The following SPOCK3 variants were observed in gnomAD, a reference collection of about 807,000 sequenced individuals.
SPOCK3 encodes testican-3.
In SPOCK3, 30 loss-of-function variants were observed where a neutral mutation model predicts 56.6. That is an observed-to-expected ratio of 0.53 (90% CI 0.40 to 0.72). The LOEUF (loss-of-function observed/expected upper bound fraction) is 0.72, where lower values mean the gene tolerates loss of function less well. Ranked by LOEUF, SPOCK3 falls within the 30% of genes least tolerant of loss-of-function variation. SPOCK3 has a pLI of 0.00. For missense variants in SPOCK3, 527 were observed against 530.0 expected (o/e 0.99, Z 0.06); for synonymous variants, 196 against 183.3 (o/e 1.07, Z -0.56).
chr4:167,013,415 TTAA>T (rs1340729758), intron 3 of SPOCK3, among the ~76,000 whole-genome samples: 2 of 151,600 alleles, frequency 1.3e-5, no homozygotes, highest in African/African-American at 4.8e-5. Context: ...TCTAAATTTC[TTAA>T]TAAAATAAAT....
intron 4 of SPOCK3, among the ~76,000 whole-genome samples, chr4:166,937,874 C>T (rs912802208): frequency 6.7e-5 from 10 of 150,050 alleles, no homozygotes; most frequent in South Asian, 6.3e-4. Flanking sequence ...CGCCATTCTC[C>T]TGCCTCAGCC....
intron 2 of SPOCK3, among the ~76,000 whole-genome samples, chr4:167,129,019 T>C (rs1250798176): frequency 6.6e-6 from 1 of 152,118 alleles, no homozygotes; most frequent in Non-Finnish European, 1.5e-5. Flanking sequence ...TCTATACCCT[T>C]GATTCAGGGG....
intron 5 of SPOCK3, among the ~76,000 whole-genome samples, chr4:166,905,643 C>A (rs1372660745): frequency 1.3e-5 from 2 of 151,662 alleles, no homozygotes; most frequent in Non-Finnish European, 2.9e-5. Context: ...AAGTCCTAAC[C>A]AAAACCTAAG....
At chr4:166,904,703 C>A (rs1736424918) in intron 5 of SPOCK3, among the ~76,000 whole-genome samples, 1 of 151,906 alleles carries the variant, frequency 6.6e-6, no homozygotes, top group African/African-American at 2.4e-5. Context: ...GTGTTAGTGT[C>A]TGAGAAGGGG....
chr4:167,226,802 G>C (rs983453269), intron 2 of SPOCK3, among the ~76,000 whole-genome samples: 3 of 152,022 alleles, frequency 2.0e-5, no homozygotes, highest in Non-Finnish European at 4.4e-5. Flanking sequence ...GCTTGAGGGA[G>C]TAACCCTGAA....
intron 4 of SPOCK3, among the ~76,000 whole-genome samples, chr4:166,977,432 GC>G (rs1301414419): frequency 4.5e-5 from 1 of 22,086 alleles, no homozygotes; most frequent in Non-Finnish European, 1.9e-4. Flanking sequence ...TATTAAGTAG[GC>G]AAGAAAGGCA....
At chr4:166,898,258 A>G (rs1202268601) in intron 5 of SPOCK3, among the ~76,000 whole-genome samples, 4 of 152,096 alleles carry the variant, frequency 2.6e-5, no homozygotes, top group Non-Finnish European at 5.9e-5. Flanking sequence ...AACTGTTCCA[A>G]TGGTGCTTTG....
chr4:166,795,640 G>T (rs1741852127), intron 6 of SPOCK3, among the ~76,000 whole-genome samples: 1 of 151,510 alleles, frequency 6.6e-6, no homozygotes, highest in African/African-American at 2.4e-5. Context: ...AATTAAATTT[G>T]ATAAATATAA....
At chr4:167,203,453 A>G (rs1486266176) in intron 2 of SPOCK3, among the ~76,000 whole-genome samples, 2 of 151,998 alleles carry the variant, frequency 1.3e-5, no homozygotes, top group African/African-American at 4.8e-5. Flanking sequence ...GCAAGTATTA[A>G]TACTCCTTGA....
At chr4:167,010,827 G>T (rs928615537) in intron 3 of SPOCK3, among the ~76,000 whole-genome samples, 2 of 151,974 alleles carry the variant, frequency 1.3e-5, no homozygotes, top group Non-Finnish European at 2.9e-5. Flanking sequence ...CAGTGGGGGG[G>T]AGATAAAATG....
intron 7 of SPOCK3, among the ~76,000 whole-genome samples, chr4:166,779,080 A>C (rs1040274315): frequency 6.6e-6 from 1 of 152,130 alleles, no homozygotes; most frequent in Non-Finnish European, 1.5e-5. Flanking sequence ...AGACTAGAAC[A>C]CTGAATTGAG....
chr4:167,170,187 T>C (rs1340756032), intron 2 of SPOCK3, among the ~76,000 whole-genome samples: 1 of 152,162 alleles, frequency 6.6e-6, no homozygotes, highest in Non-Finnish European at 1.5e-5. Flanking sequence ...AGGGTCACCA[T>C]TTAGGAAAGT....
intron 2 of SPOCK3, among the ~76,000 whole-genome samples, chr4:167,089,583 A>T (rs1758523466): frequency 6.6e-6 from 1 of 152,162 alleles, no homozygotes; most frequent in Non-Finnish European, 1.5e-5. Context: ...GGAATTTTTA[A>T]CCCCACAAAT....
At chr4:167,072,611 C>T (rs6815849) in intron 2 of SPOCK3, among the ~76,000 whole-genome samples, 3,611 of 151,924 alleles carry the variant, frequency 0.024, 128 homozygotes, top group African/African-American at 0.082. Context: ...ATTTTAAGAA[C>T]GTTAATAGAA....
intron 2 of SPOCK3, among the ~76,000 whole-genome samples, chr4:167,133,193 C>A (rs1762836637): frequency 6.6e-6 from 1 of 151,914 alleles, no homozygotes; most frequent in Non-Finnish European, 1.5e-5. Flanking sequence ...TCAGGTGGGC[C>A]CAATGTAATC....
intron 2 of SPOCK3, among the ~76,000 whole-genome samples, chr4:167,169,173 T>C (rs1353886109): frequency 1.3e-5 from 2 of 152,112 alleles, no homozygotes; most frequent in African/African-American, 4.8e-5. Context: ...AAATGTGGGG[T>C]TGAAGCCCCA....
chr4:167,194,213 T>C (rs1732726026), intron 2 of SPOCK3, among the ~76,000 whole-genome samples: 1 of 137,844 alleles, frequency 7.3e-6, no homozygotes, highest in Non-Finnish European at 1.6e-5. Flanking sequence ...AATATTTCAC[T>C]TCTGTCATTG....
At chr4:166,762,415 T>A (rs182453480) in intron 7 of SPOCK3, among the ~76,000 whole-genome samples, 115 of 152,214 alleles carry the variant, frequency 7.6e-4, no homozygotes, top group African/African-American at 2.6e-3. Context: ...AGGGTCTGCA[T>A]AGAGAAACGG....
At chr4:166,867,844 A>T (rs1187266956) in intron 6 of SPOCK3, among the ~76,000 whole-genome samples, 1 of 151,846 alleles carries the variant, frequency 6.6e-6, no homozygotes, top group Non-Finnish European at 1.5e-5. Context: ...CATTATGTTG[A>T]AGTAAAAATA....
Sources: gnomAD v4.1 joint callset for allele counts (sites outside exome capture counted in the v4.1 genomes callset) on GRCh38, gnomAD v4.1.1 for gene constraint, MANE v1.5 for transcripts, NCBI Gene and HGNC (gene_info 2026-07-23, HGNC 2026-07-21) for gene names.